The following STT3B variants were observed in gnomAD, a reference collection of about 807,000 sequenced individuals.
The protein encoded by STT3B is dolichyl-diphosphooligosaccharide--protein glycosyltransferase subunit STT3B.
In STT3B, 29 loss-of-function variants were observed where a neutral mutation model predicts 96.8. The observed-to-expected ratio is 0.30, with a 90% CI of 0.22 to 0.41. The LOEUF (loss-of-function observed/expected upper bound fraction) is 0.41, where lower values mean the gene tolerates loss of function less well. Ranked by LOEUF, STT3B falls within the 10% of genes least tolerant of loss-of-function variation. STT3B has a pLI of 1.00. For synonymous variants in STT3B, 367 were observed against 360.0 expected, an observed-to-expected ratio of 1.02 and a Z score of -0.22; for missense variants, 640 against 1,022.3, an observed-to-expected ratio of 0.63 and a Z score of 5.10.
chr3:31,559,162 TG>T, intron 1 of STT3B, among the ~76,000 whole-genome samples: 1 of 147,922 alleles, frequency 6.8e-6, no homozygotes, highest in Non-Finnish European at 1.5e-5. Flanking sequence ...TGTGTGTGTG[TG>T]TGTGTGTGTG....
chr3:31,586,307 A>G (rs1052627269), intron 3 of STT3B, among the ~76,000 whole-genome samples: 8 of 114,284 alleles, frequency 7.0e-5, no homozygotes, highest in Admixed American at 6.1e-4. Flanking sequence ...TTGAGGTGTG[A>G]GAGTTCTTTG....
chr3:31,603,580 T>A (rs1296816344), intron 5 of STT3B, among the ~76,000 whole-genome samples: 1 of 152,144 alleles, frequency 6.6e-6, no homozygotes, highest in African/African-American at 2.4e-5. Flanking sequence ...GTAGAAAGAA[T>A]GGCTTGCAGG....
chr3:31,612,111 C>T (rs984589035), intron 5 of STT3B, among the ~76,000 whole-genome samples: 1 of 152,096 alleles, frequency 6.6e-6, no homozygotes, highest in South Asian at 2.1e-4. Context: ...TTCACTGGAG[C>T]GTTTCCTGTT....
In STT3B at chr3:31,624,970, C is replaced by G. The variant is rs778627115; in HGVS notation, c.1784C>G (p.Thr595Arg). Residue 595 changes from threonine (T) to arginine (R), a missense_variant, in exon 12 of 16, where the codon ACA becomes AGA. Physicochemically the swap from Thr to Arg is moderately conservative, Grantham distance 71 (BLOSUM62 -1). This residue lies in a region of STT3B where 149 missense variants were observed against 250.2 expected (regional missense o/e 0.60). Transcript: ENST00000295770. ...REAYFWLRQN[T>R]DEHARVMSWW... is the part of the protein sequence containing the mutation. The stretch of plus-strand genomic sequence containing the variant: ...GCTTACTTTTGGCTAAGGCAAAATA[C>G]AGATGAACATGCACGAGTAATGTCT... 1 of 1,613,312 alleles carries G rather than the reference C, an allele frequency of 6.2e-7. No individual in the cohort carries two copies. The highest frequency in any genetic ancestry group is 8.5e-7 in the Non-Finnish European group (1 of 1,179,562).
At chr3:31,629,265 A>G in intron 13 of STT3B, 33 bp from the exon 14 acceptor site, 1 of 1,170,688 alleles carries the variant, frequency 8.5e-7, no homozygotes, top group Non-Finnish European at 1.3e-6. Flanking sequence ...GTTAACTTGA[A>G]CTAACATAGA....
intron 1 of STT3B, among the ~76,000 whole-genome samples, chr3:31,547,371 T>C (rs1697441633): frequency 1.3e-5 from 2 of 152,178 alleles, no homozygotes; most frequent in African/African-American, 4.8e-5. Context: ...AAAAAGAACA[T>C]TGCAGGTCGG....
chr3:31,599,345 A>G (rs1305554958), intron 4 of STT3B, among the ~76,000 whole-genome samples: 1 of 152,194 alleles, frequency 6.6e-6, no homozygotes, highest in Non-Finnish European at 1.5e-5. Flanking sequence ...TGTACTTAGC[A>G]ATATCAAACT....
At chr3:31,547,027 A>G (rs985744902) in intron 1 of STT3B, among the ~76,000 whole-genome samples, 2 of 152,184 alleles carry the variant, frequency 1.3e-5, no homozygotes, top group African/African-American at 2.4e-5. Context: ...TCCCCTCCAA[A>G]TAATTGAGGC....
At chr3:31,631,557 A>G (rs1282400038) in intron 14 of STT3B, among the ~76,000 whole-genome samples, 1 of 152,186 alleles carries the variant, frequency 6.6e-6, no homozygotes. Context: ...AGAATAATAT[A>G]TGGTTAAAAT....
At chr3:31,555,694 C>T (rs1357464132) in intron 1 of STT3B, among the ~76,000 whole-genome samples, 2 of 151,912 alleles carry the variant, frequency 1.3e-5, no homozygotes, top group Non-Finnish European at 1.5e-5. Flanking sequence ...TTTTGTGGAA[C>T]CAGAAAAGTG....
intron 11 of STT3B, 40 bp downstream of exon 11, chr3:31,623,901 C>A (rs772525765): frequency 6.9e-7 from 1 of 1,457,022 alleles, no homozygotes; most frequent in Non-Finnish European, 9.4e-7. Flanking sequence ...TTTATACTTA[C>A]ACTTCTTTTT....
intron 5 of STT3B, among the ~76,000 whole-genome samples, chr3:31,601,914 G>A (rs145196125): frequency 6.6e-6 from 1 of 152,142 alleles, no homozygotes; most frequent in African/African-American, 2.4e-5. Context: ...ATTTGCTAAA[G>A]ATCATGTAGC....
chr3:31,629,425 A>C lies in STT3B; in HGVS notation c.2187+14A>C. On this transcript the variant is annotated intron_variant, in intron 14 of 15. Transcript: ENST00000295770. ...GGAGAAATGCAGGTTAGTTAAATCC[A>C]TTTTTCTCTAATTTTCATTCAAAAT... The C allele has an allele frequency of 1.5e-6, 2 of 1,377,888 alleles. No homozygotes were observed. Among genetic ancestry groups the C allele is most frequent in the Non-Finnish European group, 2.0e-6 (2 of 982,074 alleles). The allele number at this position is 1,377,888 out of a possible 1,614,324, so 85.4% of individuals were successfully genotyped here.
At chr3:31,543,051 G>C (rs1416395564) in intron 1 of STT3B, among the ~76,000 whole-genome samples, 3 of 122,172 alleles carry the variant, frequency 2.5e-5, no homozygotes, top group Non-Finnish European at 4.9e-5. Context: ...GGGCAACAGA[G>C]TGAGACTCCA....
intron 1 of STT3B, among the ~76,000 whole-genome samples, chr3:31,573,889 A>G (rs1216391034): frequency 6.6e-6 from 1 of 152,176 alleles, no homozygotes; most frequent in African/African-American, 2.4e-5. Context: ...ACCTATACAG[A>G]AAACAGAGAA....
At position 31,543,967 on chromosome 3, in the gene STT3B, A is replaced by G. The variant is rs539314352; in HGVS notation, c.314+10655A>G. Among the ~76,000 whole-genome samples the G allele has an allele frequency of 3.2e-4, 49 of 152,364 alleles. No individual in the cohort carries two copies. The South Asian group carries it at 4.8e-3, about 15-fold the overall frequency. On this transcript the variant is annotated intron_variant, in intron 1 of 15. Transcript: ENST00000295770. ...AGTTTTATTATTTTTCAAATGAGAA[A>G]TGAAAAAAGACAGATGACAGCAATA...
chr3:31,635,277 G>T (rs1699735724), intron 15 of STT3B, among the ~76,000 whole-genome samples: 1 of 151,996 alleles, frequency 6.6e-6, no homozygotes, highest in African/African-American at 2.4e-5. Flanking sequence ...TTATCCTGTG[G>T]GGTTCTAACA....
chr3:31,616,503 A>G (rs139167195), intron 6 of STT3B, among the ~76,000 whole-genome samples: 24 of 152,060 alleles, frequency 1.6e-4, no homozygotes, highest in African/African-American at 5.5e-4. Context: ...ATAAATAGTA[A>G]CTATATATCA....
Position 31,617,933 on chromosome 3 carries a change from T to C in STT3B, c.1124-7T>C. The stretch of plus-strand genomic sequence containing the variant: ...AGATTAATTTCATCCATGTTTTTCC[T>C]TCCAAGGTTACATTGCACCATGGAG... On this transcript the variant is annotated splice_polypyrimidine_tract_variant and splice_region_variant and intron_variant, in intron 7 of 15. Coordinates refer to ENST00000295770, the MANE Select transcript of STT3B (RefSeq NM_178862.3). The C allele has an allele frequency of 6.3e-7, 1 of 1,595,840 alleles. No homozygotes were observed. Among genetic ancestry groups the C allele is most frequent in the Non-Finnish European group, 8.6e-7 (1 of 1,164,136 alleles).
Sources: allele counts gnomAD v4.1 joint callset (sites outside exome capture counted in the v4.1 genomes callset), GRCh38; gene constraint gnomAD v4.1.1; regional missense constraint gnomAD v4.1.1; transcripts MANE v1.5; gene names NCBI Gene and HGNC (gene_info 2026-07-23, HGNC 2026-07-21).